The following OSBPL9 variants were observed in gnomAD, a reference collection of about 807,000 sequenced individuals.
OSBPL9 encodes the protein oxysterol binding protein like 9.
Under a neutral mutation model 106.6 loss-of-function variants are expected in OSBPL9, and 40 were observed. The ratio of observed to expected loss-of-function variants is 0.38; its 90% CI spans 0.29 to 0.49. The LOEUF (loss-of-function observed/expected upper bound fraction) is 0.49, where lower values mean the gene tolerates loss of function less well. OSBPL9 is among the 20% of genes least tolerant of loss of function. The pLI, the probability that OSBPL9 is intolerant of heterozygous loss-of-function variation, is 0.97. For synonymous variants in OSBPL9, 269 were observed against 295.4 expected (o/e 0.91, Z 0.92); for missense variants, 609 against 887.2 (o/e 0.69, Z 3.98).
the OSBPL9 span, among the ~76,000 whole-genome samples, chr1:51,536,524 C>T: frequency 2.6e-5 from 4 of 152,022 alleles, no homozygotes; most frequent in Non-Finnish European, 1.5e-5. Context: ...CGTTATGTTG[C>T]CCAGACTGGC....
chr1:51,781,301 A>G lies in OSBPL9; in HGVS notation c.1394A>G (p.His465Arg). Residue 465 changes from histidine (H) to arginine (R), a missense_variant, in exon 16 of 24, where the codon CAT (histidine) becomes CGT (arginine). Transcript: ENST00000428468. ...ATTTTGGGCGAGATTTTTCAGTGTC[A>G]TTGGACATTACCAAATGATACTGAA... ...NPILGEIFQC[H>R]WTLPNDTEEN... 1 of 1,614,190 alleles carries G rather than the reference A, an allele frequency of 6.2e-7. No homozygotes were observed. Among genetic ancestry groups the G allele is most frequent in the Non-Finnish European group, 8.5e-7 (1 of 1,180,016 alleles).
intron 1 of OSBPL9, among the ~76,000 whole-genome samples, chr1:51,589,874 A>G (rs1645265131): frequency 6.6e-6 from 1 of 151,976 alleles, no homozygotes; most frequent in Non-Finnish European, 1.5e-5. Context: ...TCTACTAAAA[A>G]TAAAAATAAT....
the OSBPL9 span, among the ~76,000 whole-genome samples, chr1:51,555,872 G>C: frequency 1.3e-5 from 2 of 152,118 alleles, no homozygotes; most frequent in African/African-American, 4.8e-5. Flanking sequence ...CGCCCAGCCA[G>C]ATTCTATACG....
At chr1:51,609,342 C>CT (rs1212729230) in intron 2 of OSBPL9, among the ~76,000 whole-genome samples, 2,729 of 138,234 alleles carry the variant, frequency 0.02, 66 homozygotes, top group African/African-American at 0.05. Flanking sequence ...CTTCTCTCTC[C>CT]TTTTTTTTTT....
intron 2 of OSBPL9, 69 bp from the exon 3 acceptor site, chr1:51,669,365 G>A: frequency 7.7e-7 from 1 of 1,302,852 alleles, no homozygotes; most frequent in Non-Finnish European, 1.1e-6. Flanking sequence ...GTATTCCAGG[G>A]CTATAGCAGT....
At position 51,761,921 on chromosome 1, in the gene OSBPL9, C is replaced by T. The variant is rs1276165908; in HGVS notation, c.728C>T (p.Pro243Leu). Residue 243 changes from proline to leucine, a missense_variant, in exon 11 of 24, where the codon CCT becomes CTT. Physicochemically the swap from Pro to Leu is moderately conservative, Grantham distance 98 (BLOSUM62 -3). Coordinates refer to ENST00000428468, the MANE Select transcript of OSBPL9 (RefSeq NM_024586.6). ...EQRPSSLPVG[P>L]VLATLGHHQT... The stretch of plus-strand genomic sequence containing the variant: ...CGTCCATCTTCCCTACCAGTTGGAC[C>T]TGTGTTGGCTACCTTGGGACATCAT... 1 of 1,613,610 alleles carries T rather than the reference C, an allele frequency of 6.2e-7. No homozygotes were observed. The highest frequency in any genetic ancestry group is 8.5e-7 in the Non-Finnish European group (1 of 1,179,736).
At chr1:51,773,766 A>G (rs1218194393) in intron 14 of OSBPL9, among the ~76,000 whole-genome samples, 3 of 152,214 alleles carry the variant, frequency 2.0e-5, no homozygotes, top group African/African-American at 7.2e-5. Context: ...AATACCTTCA[A>G]GTAAGTGTCT....
At chr1:51,581,712 G>A (rs948167124) in intron 1 of OSBPL9, among the ~76,000 whole-genome samples, 1 of 152,146 alleles carries the variant, frequency 6.6e-6, no homozygotes, top group Admixed American at 6.5e-5. Flanking sequence ...CTGGAGTGCA[G>A]TGGCACAATC....
chr1:51,762,139 T>C (rs756634315), intron 11 of OSBPL9, among the ~76,000 whole-genome samples, 168 bp downstream of exon 11: 2 of 152,218 alleles, frequency 1.3e-5, no homozygotes, highest in South Asian at 4.1e-4. Context: ...GTTAGCTTTG[T>C]GTTTGAAAGA....
At chr1:51,779,070 A>T (rs1038322917) in intron 15 of OSBPL9, among the ~76,000 whole-genome samples, 2 of 152,332 alleles carry the variant, frequency 1.3e-5, no homozygotes, top group Admixed American at 6.5e-5. Flanking sequence ...AGTAAGTAAG[A>T]TGTGGCGATT....
At chr1:51,642,687 GT>G (rs1348779820) in intron 1 of OSBPL9, among the ~76,000 whole-genome samples, 2 of 152,196 alleles carry the variant, frequency 1.3e-5, no homozygotes, top group Non-Finnish European at 2.9e-5. Flanking sequence ...CATATCTGGA[GT>G]TTTATCTCTT....
the OSBPL9 span, among the ~76,000 whole-genome samples, chr1:51,526,907 G>T: frequency 6.6e-6 from 1 of 151,990 alleles, no homozygotes; most frequent in African/African-American, 2.4e-5. Context: ...ACCACACCTG[G>T]CTAATTTTTT....
At chr1:51,693,696 C>T (rs1339093963) in intron 3 of OSBPL9, among the ~76,000 whole-genome samples, 1 of 152,160 alleles carries the variant, frequency 6.6e-6, no homozygotes, top group Non-Finnish European at 1.5e-5. Context: ...CTCCTCACCT[C>T]TTTTTACCTT....
intron 1 of OSBPL9, among the ~76,000 whole-genome samples, chr1:51,645,266 T>C (rs1333589624): frequency 6.6e-6 from 1 of 152,228 alleles, no homozygotes; most frequent in African/African-American, 2.4e-5. Flanking sequence ...TATCACCAGC[T>C]GAAACTATCT....
intron 3 of OSBPL9, chr1:51,707,546 C>A (rs1658853759): frequency 5.5e-6 from 1 of 181,258 alleles, no homozygotes; most frequent in South Asian, 1.2e-4. Context: ...GCCTCATGGT[C>A]GTCATGCCAC....
intron 1 of OSBPL9, among the ~76,000 whole-genome samples, chr1:51,588,052 A>G (rs1392001858): frequency 6.6e-6 from 1 of 152,206 alleles, no homozygotes; most frequent in Non-Finnish European, 1.5e-5. Flanking sequence ...GATCTTCCTT[A>G]TAGAACTGGT....
intron 4 of OSBPL9, among the ~76,000 whole-genome samples, chr1:51,719,891 A>G (rs945552122): frequency 6.6e-6 from 1 of 152,228 alleles, no homozygotes; most frequent in Non-Finnish European, 1.5e-5. Flanking sequence ...GTGGGTCACT[A>G]CTTACAATGT....
chr1:51,608,357 A>G (rs1438897407), intron 2 of OSBPL9, among the ~76,000 whole-genome samples: 1 of 152,162 alleles, frequency 6.6e-6, no homozygotes, highest in African/African-American at 2.4e-5. Context: ...CAGTGGTGCA[A>G]TCTCAGCTCA....
chr1:51,548,903 A>G, the OSBPL9 span, among the ~76,000 whole-genome samples: 1 of 152,224 alleles, frequency 6.6e-6, no homozygotes, highest in East Asian at 1.9e-4. Flanking sequence ...CAGAGCAGAC[A>G]TTTATAGTAA....
Sources: allele counts gnomAD v4.1 joint callset (sites outside exome capture counted in the v4.1 genomes callset), GRCh38; gene constraint gnomAD v4.1.1; transcripts MANE v1.5; gene names NCBI Gene and HGNC (gene_info 2026-07-23, HGNC 2026-07-21).